Variants in ARHGAP6 observed in about 807,000 individuals in gnomAD.
The protein encoded by ARHGAP6 is Rho GTPase activating protein 6.
ARHGAP6 carries 16 observed loss-of-function variants against 55.7 expected under a neutral mutation model. That is an observed-to-expected ratio of 0.29 (90% CI 0.19 to 0.44). The LOEUF (loss-of-function observed/expected upper bound fraction) is 0.44, where lower values mean the gene tolerates loss of function less well. Among genes scored for constraint, ARHGAP6 ranks in the 20% least tolerant of loss-of-function variants. The pLI, the probability that ARHGAP6 is intolerant of heterozygous loss-of-function variation, is 1.00. For synonymous variants in ARHGAP6, 382 were observed against 360.9 expected, an observed-to-expected ratio of 1.06 and a Z score of -0.66; for missense variants, 698 against 808.9, an observed-to-expected ratio of 0.86 and a Z score of 1.66.
At chrX:11,405,994 C>A (rs1827293386) in intron 1 of ARHGAP6, among the ~76,000 whole-genome samples, 1 of 111,268 alleles carries the variant, frequency 9.0e-6, no homozygotes, top group African/African-American at 3.3e-5. Context: ...GCCACAGCCT[C>A]CCTCGCTCAA....
At chrX:11,601,206 G>A (rs1459987314) in intron 1 of ARHGAP6, among the ~76,000 whole-genome samples, 1 of 111,445 alleles carries the variant, frequency 9.0e-6, no homozygotes, top group Non-Finnish European at 1.9e-5. Flanking sequence ...GGAGCTAGTG[G>A]GGCTTAGGGG....
chrX:11,265,405 G>A (rs1056906074), intron 1 of ARHGAP6, among the ~76,000 whole-genome samples: 4 of 112,066 alleles, frequency 3.6e-5, no homozygotes, highest in Non-Finnish European at 5.6e-5. Context: ...GCCTGTGCCC[G>A]AATCTTTTAC....
At chrX:11,218,513 T>A (rs2046913542) in intron 2 of ARHGAP6, among the ~76,000 whole-genome samples, 1 of 111,418 alleles carries the variant, frequency 9.0e-6, no homozygotes, top group Non-Finnish European at 1.9e-5. Flanking sequence ...TTTTCTGTTG[T>A]TCGGAATAGT....
At chrX:11,340,502 G>T (rs1257587439) in intron 1 of ARHGAP6, among the ~76,000 whole-genome samples, 1 of 111,460 alleles carries the variant, frequency 9.0e-6, no homozygotes, top group Non-Finnish European at 1.9e-5. Flanking sequence ...GGCCGAGGCG[G>T]GTGGATCATG....
At chrX:11,557,124 A>G (rs148219210) in intron 1 of ARHGAP6, among the ~76,000 whole-genome samples, 157 of 112,520 alleles carry the variant, frequency 1.4e-3, no homozygotes, top group African/African-American at 4.9e-3. Context: ...GAAAAAGGAG[A>G]TATTCACGTT....
At chrX:11,165,752 T>C (rs1173559839) in intron 9 of ARHGAP6, among the ~76,000 whole-genome samples, 1 of 111,176 alleles carries the variant, frequency 9.0e-6, no homozygotes, top group East Asian at 2.8e-4. Context: ...TCCCAAGATA[T>C]GGTTTCCAAA....
chrX:11,273,894 T>C (rs1298715649), intron 1 of ARHGAP6, among the ~76,000 whole-genome samples: 2 of 111,874 alleles, frequency 1.8e-5, no homozygotes, highest in African/African-American at 3.2e-5. Context: ...CAGTCCCTTA[T>C]GGTGTACTCA....
chrX:11,361,455 A>G (rs1210493391), intron 1 of ARHGAP6, among the ~76,000 whole-genome samples: 4 of 111,731 alleles, frequency 3.6e-5, no homozygotes, highest in East Asian at 2.8e-4. Flanking sequence ...AGCCATATGT[A>G]GAAAGCTGAA....
chrX:11,492,396 T>G (rs1444137549), intron 1 of ARHGAP6, among the ~76,000 whole-genome samples: 1 of 111,770 alleles, frequency 8.9e-6, no homozygotes, highest in Non-Finnish European at 1.9e-5. Context: ...CCAAACATTC[T>G]ATATCAGAAT....
chrX:11,529,615 A>T (rs1603243568), intron 1 of ARHGAP6, among the ~76,000 whole-genome samples: 1 of 111,972 alleles, frequency 8.9e-6, no homozygotes, highest in East Asian at 2.8e-4. Flanking sequence ...AGATCATTAA[A>T]CATGCATTTC....
chrX:11,400,099 G>A (rs1380767782), intron 1 of ARHGAP6, among the ~76,000 whole-genome samples: 1 of 112,052 alleles, frequency 8.9e-6, no homozygotes, highest in African/African-American at 3.2e-5. Flanking sequence ...GGCTGCTAAT[G>A]AATGCAGCAA....
intron 1 of ARHGAP6, among the ~76,000 whole-genome samples, chrX:11,573,303 GTTT>G (rs2051551990): frequency 9.2e-6 from 1 of 109,083 alleles, no homozygotes; most frequent in Non-Finnish European, 1.9e-5. Flanking sequence ...TTCTTCTAGG[GTTT>G]TTATGGTTTT....
At chrX:11,279,091 G>A (rs1383570868) in intron 1 of ARHGAP6, among the ~76,000 whole-genome samples, 5 of 111,284 alleles carry the variant, frequency 4.5e-5, no homozygotes, top group African/African-American at 9.8e-5. Flanking sequence ...AATAACAAAG[G>A]GATGCAGCCA....
intron 1 of ARHGAP6, among the ~76,000 whole-genome samples, chrX:11,610,302 A>G (rs1324900782): frequency 3.6e-5 from 4 of 110,249 alleles, no homozygotes; most frequent in African/African-American, 1.0e-4. Context: ...TGTGAGCCCC[A>G]GGCACTGTGC....
chrX:11,470,445 T>C (rs2050336706), intron 1 of ARHGAP6, among the ~76,000 whole-genome samples: 1 of 112,331 alleles, frequency 8.9e-6, no homozygotes, highest in Admixed American at 9.4e-5. Flanking sequence ...TGGAAGGCAC[T>C]CAAAACAAAC....
chrX:11,477,806 T>C (rs2050418137), intron 1 of ARHGAP6, among the ~76,000 whole-genome samples: 2 of 111,651 alleles, frequency 1.8e-5, no homozygotes, highest in South Asian at 7.4e-4. Context: ...AAAACTAATC[T>C]GTAGGGTCAG....
intron 1 of ARHGAP6, among the ~76,000 whole-genome samples, chrX:11,644,543 A>G (rs183464485): frequency 9.0e-6 from 1 of 111,332 alleles, no homozygotes; most frequent in African/African-American, 3.3e-5. Context: ...ACCCTTCACC[A>G]AAGAGGATAT....
chrX:11,267,859 G>A (rs896695122), intron 1 of ARHGAP6, among the ~76,000 whole-genome samples: 2 of 111,902 alleles, frequency 1.8e-5, no homozygotes, highest in South Asian at 7.4e-4. Flanking sequence ...ATAAAGATAA[G>A]GAATCCTTTT....
chrX:11,250,812 C>T (rs1266807950), intron 2 of ARHGAP6, among the ~76,000 whole-genome samples: 1 of 111,045 alleles, frequency 9.0e-6, no homozygotes, highest in Non-Finnish European at 1.9e-5. Flanking sequence ...TGCAAAGTTC[C>T]TTTTGGCCTG....
Sources: allele counts gnomAD v4.1 joint callset (sites outside exome capture counted in the v4.1 genomes callset), GRCh38; gene constraint gnomAD v4.1.1; transcripts MANE v1.5; gene names NCBI Gene and HGNC (gene_info 2026-07-23, HGNC 2026-07-21).